Variants in NEK6 observed in about 807,000 individuals in gnomAD.
NEK6 encodes NIMA related kinase 6.
Under a neutral mutation model 43.5 loss-of-function variants are expected in NEK6, and 27 were observed. The observed-to-expected ratio is 0.62, with a 90% CI of 0.46 to 0.86. The LOEUF is 0.86. Among genes scored for constraint, NEK6 ranks in the 40% least tolerant of loss-of-function variants. NEK6 has a pLI of 0.00. For missense variants in NEK6, 318 were observed against 414.4 expected, an observed-to-expected ratio of 0.77 and a Z score of 2.02; for synonymous variants, 167 against 164.1, an observed-to-expected ratio of 1.02 and a Z score of -0.14.
chr9:124,316,539 C>T (rs1385431198), intron 4 of NEK6, among the ~76,000 whole-genome samples: 3 of 152,228 alleles, frequency 2.0e-5, no homozygotes, highest in Admixed American at 1.3e-4. Context: ...TTTGCAGCAC[C>T]TTCCCTGTCC....
chr9:124,332,545 A>G (rs530806921), intron 7 of NEK6, among the ~76,000 whole-genome samples: 20 of 152,236 alleles, frequency 1.3e-4, no homozygotes, highest in African/African-American at 3.4e-4. Flanking sequence ...CCCCAGCCCA[A>G]TGTCCCGCCG....
In NEK6 at chr9:124,345,164, C is replaced by T. The variant is rs190592030; in HGVS notation, c.718-2545C>T. Among the ~76,000 whole-genome samples, 459 of 152,310 alleles carry T rather than the reference C, an allele frequency of 3.0e-3. 8 individuals carry two copies. Among genetic ancestry groups the T allele is most frequent in the Admixed American group, 6.5e-3 (100 of 15,298 alleles). On this transcript the variant is annotated intron_variant, in intron 8 of 9. Coordinates refer to ENST00000320246, the MANE Select transcript of NEK6 (RefSeq NM_014397.6). ...GAAGGGCTTGGCATTTGAGGAGCAG[C>T]GCTGAGAGCCGTGGCCTCGGCAGTT... is the stretch of plus-strand genomic sequence containing the variant.
At chr9:124,272,928 A>G (rs1307197248) in intron 1 of NEK6, among the ~76,000 whole-genome samples, 1 of 152,162 alleles carries the variant, frequency 6.6e-6, no homozygotes, top group Admixed American at 6.5e-5. Context: ...GTGTGAATGG[A>G]TGTTTTTTTA....
chr9:124,334,719 A>G (rs1040902272), intron 7 of NEK6, among the ~76,000 whole-genome samples: 7 of 152,236 alleles, frequency 4.6e-5, no homozygotes, highest in Admixed American at 4.6e-4. Flanking sequence ...CAGCACGTGC[A>G]AAGGCACAGA....
intron 1 of NEK6, among the ~76,000 whole-genome samples, chr9:124,293,421 T>G (rs530099072): frequency 5.9e-5 from 9 of 152,300 alleles, no homozygotes; most frequent in South Asian, 2.1e-4. Flanking sequence ...GTCAAGAATC[T>G]TCTGGGCAGA....
intron 1 of NEK6, among the ~76,000 whole-genome samples, chr9:124,291,558 G>T (rs1016183485): frequency 6.6e-6 from 1 of 152,176 alleles, no homozygotes; most frequent in Non-Finnish European, 1.5e-5. Context: ...CCTCGGAGGC[G>T]GAGGTTGCGG....
At chr9:124,345,012 A>G (rs1829845956) in intron 8 of NEK6, among the ~76,000 whole-genome samples, 1 of 152,230 alleles carries the variant, frequency 6.6e-6, no homozygotes, top group African/African-American at 2.4e-5. Flanking sequence ...GACAGGCAGG[A>G]GTCAGATTCC....
At chr9:124,344,665 G>A (rs921855017) in intron 8 of NEK6, among the ~76,000 whole-genome samples, 4 of 152,268 alleles carry the variant, frequency 2.6e-5, no homozygotes, top group Non-Finnish European at 5.9e-5. Flanking sequence ...CCGCTCTGCA[G>A]GACTGATTTT....
intron 7 of NEK6, among the ~76,000 whole-genome samples, chr9:124,338,745 C>T (rs996921841): frequency 6.6e-6 from 1 of 152,232 alleles, no homozygotes; most frequent in African/African-American, 2.4e-5. Context: ...AACCTCTTCA[C>T]CCATCTGAGC....
At chr9:124,287,088 C>G (rs902374179) in intron 1 of NEK6, among the ~76,000 whole-genome samples, 29 of 152,176 alleles carry the variant, frequency 1.9e-4, no homozygotes, top group African/African-American at 6.8e-4. Flanking sequence ...ACCGGGAAGC[C>G]TGGGGACAGA....
chr9:124,327,510 A>T, intron 7 of NEK6, 65 bp downstream of exon 7: 2 of 1,235,276 alleles, frequency 1.6e-6, no homozygotes, highest in Non-Finnish European at 2.4e-6. Context: ...AGGGAGACGC[A>T]AACATTCTCC....
At chr9:124,264,254 G>A (rs1180783321) in intron 1 of NEK6, among the ~76,000 whole-genome samples, 2 of 152,184 alleles carry the variant, frequency 1.3e-5, no homozygotes, top group African/African-American at 2.4e-5. Flanking sequence ...CTGCCAGCTC[G>A]TCACACCCTA....
intron 8 of NEK6, among the ~76,000 whole-genome samples, chr9:124,344,216 G>GC (rs1371855896): frequency 1.8e-4 from 28 of 152,052 alleles, no homozygotes; most frequent in Non-Finnish European, 3.4e-4. Context: ...CCTGGATAAT[G>GC]CCCCCATCTC....
At chr9:124,285,173 G>A (rs954202475) in intron 1 of NEK6, among the ~76,000 whole-genome samples, 4 of 152,208 alleles carry the variant, frequency 2.6e-5, no homozygotes, top group Non-Finnish European at 5.9e-5. Flanking sequence ...TGAACGTCGA[G>A]GCATATTTTA....
intron 7 of NEK6, among the ~76,000 whole-genome samples, chr9:124,330,762 A>G (rs527911773): frequency 2.2e-4 from 34 of 152,182 alleles, no homozygotes; most frequent in African/African-American, 8.2e-4. Flanking sequence ...GCCAGGTGGC[A>G]TGGTGAGGGG....
chr9:124,347,589 C>T, intron 8 of NEK6, 120 bp from the exon 9 acceptor site: 1 of 580,818 alleles, frequency 1.7e-6, no homozygotes, highest in Non-Finnish European at 3.0e-6. Context: ...TCCTGCTGGA[C>T]TCGCCGCGGT....
intron 7 of NEK6, among the ~76,000 whole-genome samples, chr9:124,336,195 G>A (rs971202122): frequency 1.3e-5 from 2 of 152,040 alleles, no homozygotes; most frequent in African/African-American, 2.4e-5. Context: ...CCAAGATCGC[G>A]CCACTGCACT....
chr9:124,292,318 GTGGCTGCTGA>G (rs1832462145), intron 1 of NEK6: 2 of 1,422,702 alleles, frequency 1.4e-6, no homozygotes, highest in Admixed American at 5.0e-5. Flanking sequence ...TGGGACAGGG[GTGGCTGCTGA>G]TGGCTGCTTT....
At chr9:124,273,382 G>A (rs1464976582) in intron 1 of NEK6, among the ~76,000 whole-genome samples, 1 of 152,188 alleles carries the variant, frequency 6.6e-6, no homozygotes, top group African/African-American at 2.4e-5. Context: ...CCCTTTGCAT[G>A]CTTGTGGAAA....
Sources: gnomAD v4.1 joint callset for allele counts (sites outside exome capture counted in the v4.1 genomes callset) on GRCh38, gnomAD v4.1.1 for gene constraint, MANE v1.5 for transcripts, NCBI Gene and HGNC (gene_info 2026-07-23, HGNC 2026-07-21) for gene names.